Variants in EPB41L1 observed in about 807,000 individuals in gnomAD.
EPB41L1 encodes the protein erythrocyte membrane protein band 4.1 like 1, also known as band 4.1-like protein 1.
EPB41L1 carries 29 observed loss-of-function variants against 97.8 expected under a neutral mutation model. That is an observed-to-expected ratio of 0.30 (90% CI 0.22 to 0.40). The LOEUF (loss-of-function observed/expected upper bound fraction) is 0.40. Among genes scored for constraint, EPB41L1 ranks in the 10% least tolerant of loss-of-function variants. The pLI is 1.00. For missense variants in EPB41L1, 812 were observed against 1,162.3 expected (o/e 0.70, Z 4.38); for synonymous variants, 383 against 459.2 (o/e 0.83, Z 2.12).
At chr20:36,099,363 T>C (rs1211986256) in intron 1 of EPB41L1, among the ~76,000 whole-genome samples, 1 of 152,170 alleles carries the variant, frequency 6.6e-6, no homozygotes, top group Admixed American at 6.5e-5. Flanking sequence ...CTAATCTTGC[T>C]TTACTTTCCT....
intron 2 of EPB41L1, among the ~76,000 whole-genome samples, chr20:36,126,449 C>A (rs1004914805): frequency 2.0e-5 from 3 of 151,634 alleles, no homozygotes; most frequent in Non-Finnish European, 2.9e-5. Context: ...TCACTGCAAC[C>A]TCTGCCTCCC....
chr20:36,191,028 C>A (rs2061925147), intron 11 of EPB41L1, among the ~76,000 whole-genome samples: 1 of 152,170 alleles, frequency 6.6e-6, no homozygotes, highest in African/African-American at 2.4e-5. Context: ...TCTGGATTCC[C>A]CACAACTTCC....
intron 1 of EPB41L1, among the ~76,000 whole-genome samples, chr20:36,096,653 G>A (rs1176512668): frequency 6.6e-6 from 1 of 152,334 alleles, no homozygotes; most frequent in East Asian, 1.9e-4. Flanking sequence ...TCTAGGCCAA[G>A]TCAATTTTCC....
intron 11 of EPB41L1, 142 bp from the exon 12 acceptor site, chr20:36,194,070 A>T: frequency 9.0e-7 from 1 of 1,115,972 alleles, no homozygotes; most frequent in Non-Finnish European, 1.3e-6. Context: ...TCAGAAGTCT[A>T]CTTCACCCCT....
At chr20:36,180,404 C>G (rs940561960) in intron 5 of EPB41L1, among the ~76,000 whole-genome samples, 1 of 152,184 alleles carries the variant, frequency 6.6e-6, no homozygotes, top group Non-Finnish European at 1.5e-5. Context: ...AAGCTTTCCA[C>G]CCCTCTGGGC....
Position 36,154,746 on chromosome 20 carries a change from C to T in EPB41L1, c.-165C>T. ...CCGCCGCCGCCGCTGCTGCAGTCGG[C>T]ATCCATCAGCGGGCGGGGGTGTCGC... On this transcript the variant is annotated 5_prime_UTR_variant, in exon 1 of 22. Transcript: ENST00000338074. This position sits in a 1 kb window ranked among gnomAD's most constrained non-coding sequence, Gnocchi z 5.5. 2 of 986,590 alleles carry T rather than the reference C, an allele frequency of 2.0e-6. No individual in the cohort carries two copies. Among genetic ancestry groups the T allele is most frequent in the Non-Finnish European group, 2.4e-6 (2 of 830,996 alleles). 61.1% of individuals were successfully genotyped at this position (986,590 alleles called of 1,614,324 possible). A position where few individuals can be genotyped will look rare whatever the true frequency, so the allele number is the denominator to read the frequency against.
intron 1 of EPB41L1, among the ~76,000 whole-genome samples, chr20:36,168,845 C>A (rs1351987132): frequency 6.6e-6 from 1 of 152,078 alleles, no homozygotes; most frequent in Non-Finnish European, 1.5e-5. Context: ...AGCCGCCACA[C>A]TGGGCCACTA....
intron 2 of EPB41L1, among the ~76,000 whole-genome samples, chr20:36,116,057 C>A (rs1221975956): frequency 6.6e-6 from 1 of 152,172 alleles, no homozygotes; most frequent in African/African-American, 2.4e-5. Context: ...GTACTACAAC[C>A]CAGTGCAGTC....
At chr20:36,120,262 C>T (rs1358559975) in intron 2 of EPB41L1, among the ~76,000 whole-genome samples, 1 of 152,160 alleles carries the variant, frequency 6.6e-6, no homozygotes, top group Non-Finnish European at 1.5e-5. Flanking sequence ...GATCAGGAAA[C>T]TGAGGCACGG....
upstream of EPB41L1, among the ~76,000 whole-genome samples, chr20:36,150,130 C>G (rs181427939): frequency 3.1e-3 from 472 of 150,734 alleles, 1 homozygote; most frequent in Non-Finnish European, 5.1e-3. Context: ...TGCAATAGCA[C>G]GATCTCAGCT....
intron 13 of EPB41L1, among the ~76,000 whole-genome samples, chr20:36,196,316 G>A (rs2062199959): frequency 6.6e-6 from 1 of 152,192 alleles, no homozygotes; most frequent in Non-Finnish European, 1.5e-5. Flanking sequence ...AGGGATCCCA[G>A]GACCCCAGGA....
intron 1 of EPB41L1, among the ~76,000 whole-genome samples, chr20:36,094,148 G>A (rs2057756136): frequency 6.6e-6 from 1 of 152,232 alleles, no homozygotes; most frequent in African/African-American, 2.4e-5. Flanking sequence ...ACATTTGGGT[G>A]TATAGTGAAC....
intron 2 of EPB41L1, among the ~76,000 whole-genome samples, chr20:36,113,478 G>A (rs373094546): frequency 2.6e-5 from 4 of 150,944 alleles, no homozygotes; most frequent in African/African-American, 9.7e-5. Flanking sequence ...GCACCTGTAG[G>A]GAGCGGGAAC....
At chr20:36,216,565 A>G (rs6119707) in intron 17 of EPB41L1, among the ~76,000 whole-genome samples, 7,377 of 152,306 alleles carry the variant, frequency 0.048, 620 homozygotes, top group African/African-American at 0.17. Flanking sequence ...AGATTATTCT[A>G]GCAACCTCTG....
intron 7 of EPB41L1, among the ~76,000 whole-genome samples, chr20:36,186,499 G>A (rs1032358258): frequency 6.6e-6 from 1 of 152,092 alleles, no homozygotes; most frequent in Non-Finnish European, 1.5e-5. Flanking sequence ...TGAATGCTAG[G>A]TCAAGGGTGG....
At chr20:36,116,534 A>G (rs956754085) in intron 2 of EPB41L1, among the ~76,000 whole-genome samples, 1 of 152,210 alleles carries the variant, frequency 6.6e-6, no homozygotes, top group African/African-American at 2.4e-5. Context: ...GGGCACCAAC[A>G]GCTGTCAGTG....
chr20:36,214,550 C>T lies in EPB41L1; in HGVS notation c.2268+110C>T, dbSNP rs553143790. On this transcript the variant is annotated intron_variant, in intron 17 of 21. Transcript: ENST00000338074. ...GCTTCAGGAAGTTGTGAGCTGCCCTCGCTGCATCAGGCATGGGACATAAGT... is the reference window on the plus strand; with the variant it reads ...GCTTCAGGAAGTTGTGAGCTGCCCTTGCTGCATCAGGCATGGGACATAAGT... 22 of 863,940 alleles carry T rather than the reference C, an allele frequency of 2.5e-5. No homozygotes were observed. In the East Asian group the frequency reaches 4.0e-4, roughly 16 times the overall value. 53.5% of individuals were successfully genotyped at this position (863,940 alleles called of 1,614,324 possible). A position where few individuals can be genotyped will look rare whatever the true frequency, so the allele number is the denominator to read the frequency against.
intron 2 of EPB41L1, among the ~76,000 whole-genome samples, chr20:36,138,262 CTTTT>C (rs34787525): frequency 7.6e-6 from 1 of 131,816 alleles, no homozygotes. Context: ...ATGGTTAGCA[CTTTT>C]TTTTTTTTTT....
chr20:36,144,949 GTCCTCTGACTCCAGAGTATACATCAC>G (rs1279542042), intron 2 of EPB41L1, among the ~76,000 whole-genome samples: 1 of 152,140 alleles, frequency 6.6e-6, no homozygotes, highest in African/African-American at 2.4e-5. Flanking sequence ...ATGAAGTCAG[GTCCTCTGACTCCAGAGTATACATCAC>G]TCTGGAGCCA....
Sources: allele counts gnomAD v4.1 joint callset (sites outside exome capture counted in the v4.1 genomes callset), GRCh38; gene constraint gnomAD v4.1.1; non-coding constraint Gnocchi (gnomAD v3.1); transcripts MANE v1.5; gene names NCBI Gene and HGNC (gene_info 2026-07-23, HGNC 2026-07-21).